The following NUBPL variants were observed in gnomAD, a reference collection of about 807,000 sequenced individuals.
The protein encoded by NUBPL is iron-sulfur cluster transfer protein NUBPL.
A neutral mutation model predicts 45.7 loss-of-function variants in NUBPL; 31 were observed. The observed-to-expected ratio is 0.68, with a 90% confidence interval of 0.51 to 0.92. The LOEUF (loss-of-function observed/expected upper bound fraction) is 0.92. NUBPL is among the 40% of genes least tolerant of loss of function. NUBPL has a pLI of 0.00. For missense variants in NUBPL, 401 were observed against 398.7 expected (o/e 1.01, Z -0.05); for synonymous variants, 144 against 140.9 (o/e 1.02, Z -0.15).
intron 6 of NUBPL, among the ~76,000 whole-genome samples, chr14:31,756,318 C>G (rs958287859): frequency 1.3e-5 from 2 of 152,122 alleles, no homozygotes; most frequent in Admixed American, 6.5e-5. Flanking sequence ...GATATTGATT[C>G]TTCCTACCCA....
intron 3 of NUBPL, among the ~76,000 whole-genome samples, chr14:31,596,362 T>C (rs1447603422): frequency 6.6e-6 from 1 of 152,216 alleles, no homozygotes; most frequent in Non-Finnish European, 1.5e-5. Flanking sequence ...GACGCTGAGA[T>C]GACTGGCCTG....
chr14:31,839,740 T>C (rs1046548088), intron 8 of NUBPL, among the ~76,000 whole-genome samples: 2 of 152,080 alleles, frequency 1.3e-5, no homozygotes, highest in Non-Finnish European at 2.9e-5. Context: ...CTCAACCCAA[T>C]AGCAAGAAAA....
intron 7 of NUBPL, among the ~76,000 whole-genome samples, chr14:31,806,291 T>G (rs549143917): frequency 6.6e-6 from 1 of 152,308 alleles, no homozygotes; most frequent in East Asian, 1.9e-4. Flanking sequence ...AGAGCAGCAG[T>G]TCTCCTCTCT....
At chr14:31,686,504 T>A (rs764577108) in intron 6 of NUBPL, among the ~76,000 whole-genome samples, 7 of 152,156 alleles carry the variant, frequency 4.6e-5, no homozygotes, top group Admixed American at 1.3e-4. Context: ...GAAATGAGGT[T>A]ATGTGAGGAA....
chr14:31,607,095 A>G (rs2139586624), intron 4 of NUBPL, among the ~76,000 whole-genome samples: 1 of 152,228 alleles, frequency 6.6e-6, no homozygotes, highest in Non-Finnish European at 1.5e-5. Context: ...AAACTTAACT[A>G]GCTGGCTGGG....
At chr14:31,712,557 C>G (rs539122178) in intron 6 of NUBPL, among the ~76,000 whole-genome samples, 1 of 152,244 alleles carries the variant, frequency 6.6e-6, no homozygotes, top group Non-Finnish European at 1.5e-5. Flanking sequence ...GCTCCGGCCT[C>G]GGCCAGCCCC....
intron 4 of NUBPL, among the ~76,000 whole-genome samples, chr14:31,633,759 A>C (rs2035406976): frequency 1.3e-5 from 2 of 152,192 alleles, no homozygotes. Flanking sequence ...TATTATTCCT[A>C]GTCCTGTCCT....
intron 3 of NUBPL, among the ~76,000 whole-genome samples, chr14:31,579,935 C>G (rs1257937599): frequency 6.6e-6 from 1 of 152,228 alleles, no homozygotes; most frequent in Non-Finnish European, 1.5e-5. Flanking sequence ...GTGAGCCACA[C>G]TGATTGCACT....
At chr14:31,745,475 T>TA (rs1341311653) in intron 6 of NUBPL, among the ~76,000 whole-genome samples, 2 of 152,186 alleles carry the variant, frequency 1.3e-5, no homozygotes, top group Non-Finnish European at 2.9e-5. Context: ...TGTATTTTTT[T>TA]AGTAGAGATG....
At chr14:31,645,053 C>G (rs2035805780) in intron 4 of NUBPL, among the ~76,000 whole-genome samples, 1 of 143,910 alleles carries the variant, frequency 6.9e-6, no homozygotes, top group African/African-American at 2.7e-5. Flanking sequence ...ATGTGAGGTG[C>G]ATTTCTTTTT....
chr14:31,820,694 G>A (rs1452089086), intron 7 of NUBPL, among the ~76,000 whole-genome samples: 1 of 150,254 alleles, frequency 6.7e-6, no homozygotes, highest in Admixed American at 6.6e-5. Context: ...CATGGTGGTG[G>A]GCGCCTGTAA....
intron 4 of NUBPL, among the ~76,000 whole-genome samples, chr14:31,608,089 A>G (rs552192305): frequency 3.9e-5 from 6 of 152,314 alleles, no homozygotes; most frequent in African/African-American, 1.4e-4. Flanking sequence ...ATGGCATGAC[A>G]TATTTAAAAT....
At chr14:31,798,269 A>G (rs1020734966) in intron 7 of NUBPL, among the ~76,000 whole-genome samples, 1 of 149,690 alleles carries the variant, frequency 6.7e-6, no homozygotes, top group African/African-American at 2.5e-5. Flanking sequence ...CCCCTCTGAG[A>G]GAAAACTACT....
intron 7 of NUBPL, among the ~76,000 whole-genome samples, chr14:31,814,892 C>G (rs956386121): frequency 1.3e-5 from 2 of 152,062 alleles, no homozygotes; most frequent in Non-Finnish European, 2.9e-5. Context: ...TTTCATTGGT[C>G]TGTATCTCTG....
chr14:31,749,241 G>A (rs1022930121), intron 6 of NUBPL, among the ~76,000 whole-genome samples: 2 of 152,110 alleles, frequency 1.3e-5, no homozygotes, highest in African/African-American at 2.4e-5. Flanking sequence ...TTCGGTTGAT[G>A]TCTGTAGTGA....
chr14:31,564,790 T>C (rs1478495277), intron 2 of NUBPL, among the ~76,000 whole-genome samples: 1 of 152,178 alleles, frequency 6.6e-6, no homozygotes, highest in African/African-American at 2.4e-5. Flanking sequence ...TTGCATTTAT[T>C]GGCAAATTAC....
At chr14:31,714,692 A>C (rs1351575546) in intron 6 of NUBPL, 1 of 152,270 alleles carries the variant, frequency 6.6e-6, no homozygotes, top group Non-Finnish European at 1.5e-5. Context: ...ATCAGGCCTC[A>C]CTTCCAACAT....
chr14:31,661,637 G>A (rs2036272150), intron 4 of NUBPL, among the ~76,000 whole-genome samples: 1 of 152,136 alleles, frequency 6.6e-6, no homozygotes. Flanking sequence ...TGCCTCCTGG[G>A]TTCACACCAC....
chr14:31,576,917 G>A (rs1172477986), intron 3 of NUBPL, among the ~76,000 whole-genome samples: 3 of 152,220 alleles, frequency 2.0e-5, no homozygotes, highest in Non-Finnish European at 4.4e-5. Flanking sequence ...ATGTTGCATG[G>A]CCTTCCTCAG....
Sources: gnomAD v4.1 joint callset for allele counts (sites outside exome capture counted in the v4.1 genomes callset) on GRCh38, gnomAD v4.1.1 for gene constraint, MANE v1.5 for transcripts, NCBI Gene and HGNC (gene_info 2026-07-23, HGNC 2026-07-21) for gene names.